Variants in NEK6 observed in about 807,000 individuals in gnomAD.
NEK6 encodes the protein NIMA related kinase 6.
A neutral mutation model predicts 43.5 loss-of-function variants in NEK6; 27 were observed. That is an observed-to-expected ratio of 0.62 (90% CI 0.46 to 0.86). NEK6 has a LOEUF of 0.86. Ranked by LOEUF, NEK6 falls within the 40% of genes least tolerant of loss-of-function variation. NEK6 has a pLI of 0.00. For missense variants in NEK6, 318 were observed against 414.4 expected, an observed-to-expected ratio of 0.77 and a Z score of 2.02; for synonymous variants, 167 against 164.1, an observed-to-expected ratio of 1.02 and a Z score of -0.14.
chr9:124,259,313 T>TAC (rs1457072780), intron 1 of NEK6: 1 of 152,160 alleles, frequency 6.6e-6, no homozygotes, highest in African/African-American at 2.4e-5. Context: ...TAGTTTGGTG[T>TAC]ACAGTACGTG....
intron 7 of NEK6, among the ~76,000 whole-genome samples, chr9:124,338,008 A>C (rs1829378615): frequency 6.6e-6 from 1 of 151,944 alleles, no homozygotes; most frequent in East Asian, 1.9e-4. Context: ...ACAGAGTCTC[A>C]CTCACTCTCT....
intron 1 of NEK6, among the ~76,000 whole-genome samples, chr9:124,290,850 A>G (rs1832384708): frequency 6.6e-6 from 1 of 152,324 alleles, no homozygotes; most frequent in African/African-American, 2.4e-5. Context: ...AGCAGCAGCC[A>G]TGGGTCCTTT....
At chr9:124,271,909 G>A (rs1035586378) in intron 1 of NEK6, among the ~76,000 whole-genome samples, 4 of 152,280 alleles carry the variant, frequency 2.6e-5, no homozygotes, top group African/African-American at 9.6e-5. Flanking sequence ...TGCCCAGAGA[G>A]ACAGGTGGCA....
At chr9:124,327,495 C>G (rs535507162) in intron 7 of NEK6, 50 bp downstream of exon 7, 36 of 1,439,814 alleles carry the variant, frequency 2.5e-5, no homozygotes, top group Non-Finnish European at 3.3e-5. Flanking sequence ...TCCTGGTGAC[C>G]ATGCAGGGAG....
Position 124,326,211 on chromosome 9 carries a change from C to CCCCCCCCCCCCCCCCCCCCCCCCT in NEK6, c.406-117_406-116insCCCCCCCCCCCCCCCCCCCCCTCC. 5.0e-6 allele frequency: 1 copy of CCCCCCCCCCCCCCCCCCCCCCCCT among 198,036 alleles called. No individual in the cohort carries two copies. Among genetic ancestry groups the CCCCCCCCCCCCCCCCCCCCCCCCT allele is most frequent in the Non-Finnish European group, 1.3e-5 (1 of 78,816 alleles). 12.3% of individuals were successfully genotyped at this position (198,036 alleles called of 1,614,324 possible). A position where few individuals can be genotyped will look rare whatever the true frequency, so the allele number is the denominator to read the frequency against. ...TTGCTCAGTGGCTCAATCCCCCCCC[C>CCCCCCCCCCCCCCCCCCCCCCCCT]CCGCCCCTGCCAGGCACCAGTTACC... On this transcript the variant is annotated intron_variant, in intron 5 of 9. Transcript: ENST00000320246. The surrounding 1 kb of genome is among the most constrained non-coding windows in gnomAD (Gnocchi z 4.5).
intron 1 of NEK6, among the ~76,000 whole-genome samples, chr9:124,287,447 A>G (rs534506630): frequency 6.6e-6 from 1 of 152,342 alleles, no homozygotes; most frequent in African/African-American, 2.4e-5. Context: ...TCAAAAATGA[A>G]CATCATTCCC....
At chr9:124,288,464 A>G (rs1037698656) in intron 1 of NEK6, among the ~76,000 whole-genome samples, 1 of 152,066 alleles carries the variant, frequency 6.6e-6, no homozygotes, top group Admixed American at 6.5e-5. Context: ...TTGTATTTTT[A>G]GTAAAAATGG....
intron 5 of NEK6, among the ~76,000 whole-genome samples, chr9:124,325,333 C>T (rs1834281623): frequency 6.6e-6 from 1 of 152,252 alleles, no homozygotes; most frequent in Non-Finnish European, 1.5e-5. Context: ...TGGCCACACC[C>T]TGCAGGTGGT....
intron 1 of NEK6, chr9:124,292,531 G>T (rs1018211165): frequency 6.5e-7 from 1 of 1,537,012 alleles, no homozygotes; most frequent in Non-Finnish European, 8.7e-7. Context: ...TGCTCGCCTG[G>T]GACCCAGGGT....
At chr9:124,264,494 T>C (rs1195010335) in intron 1 of NEK6, among the ~76,000 whole-genome samples, 1 of 152,070 alleles carries the variant, frequency 6.6e-6, no homozygotes, top group Non-Finnish European at 1.5e-5. Context: ...AGAGGTACCA[T>C]GTGACAAAAA....
intron 1 of NEK6, among the ~76,000 whole-genome samples, chr9:124,289,395 C>T (rs1259726744): frequency 6.6e-6 from 1 of 152,096 alleles, no homozygotes; most frequent in East Asian, 1.9e-4. Flanking sequence ...ACACTGTCTG[C>T]CTTCCAGGGT....
rs10986317 is a variant in NEK6 at position 124,329,098 on chromosome 9, C to A, written c.622+1653C>A. ...GAGGGCCGGGGGCCTCGGCAGATACCGTTGGAGTCCCCCTTTGGGGACCCG... is the reference window on the plus strand; with the variant it reads ...GAGGGCCGGGGGCCTCGGCAGATACAGTTGGAGTCCCCCTTTGGGGACCCG... On this transcript the variant is annotated intron_variant, in intron 7 of 9. Coordinates refer to ENST00000320246, the MANE Select transcript of NEK6 (RefSeq NM_014397.6). Among the ~76,000 whole-genome samples the A allele has an allele frequency of 8.5e-4, 130 of 152,340 alleles. No homozygotes were observed. In the East Asian group the frequency reaches 0.023, roughly 27 times the overall value.
chr9:124,302,203 C>A, intron 2 of NEK6, 149 bp downstream of exon 2: 1 of 603,240 alleles, frequency 1.7e-6, no homozygotes. Context: ...GGGGAGCTCG[C>A]TACCAAATCT....
At chr9:124,339,405 C>T (rs1829469694) in intron 7 of NEK6, among the ~76,000 whole-genome samples, 166 bp from the exon 8 acceptor site, 1 of 152,098 alleles carries the variant, frequency 6.6e-6, no homozygotes, top group East Asian at 1.9e-4. Context: ...GATCCAACTG[C>T]TCATCTGACA....
chr9:124,303,600 G>A (rs1223430063), intron 2 of NEK6, among the ~76,000 whole-genome samples: 2 of 152,108 alleles, frequency 1.3e-5, no homozygotes, highest in East Asian at 1.9e-4. Context: ...ATCTGGTGGG[G>A]GTGTGTGTAT....
At chr9:124,313,265 G>A (rs916834873) in intron 3 of NEK6, among the ~76,000 whole-genome samples, 1 of 152,170 alleles carries the variant, frequency 6.6e-6, no homozygotes, top group Non-Finnish European at 1.5e-5. Flanking sequence ...AGGAGGGCCG[G>A]GAGAGAGAAT....
intron 1 of NEK6, chr9:124,293,036 G>A: frequency 2.7e-6 from 4 of 1,484,476 alleles, no homozygotes; most frequent in Non-Finnish European, 3.6e-6. Context: ...TCATTTCCCA[G>A]GCAGGCAGGG....
intron 8 of NEK6, among the ~76,000 whole-genome samples, chr9:124,341,376 CGGGTG>C (rs1829614814): frequency 3.4e-5 from 4 of 116,148 alleles, no homozygotes; most frequent in Non-Finnish European, 3.9e-5. Flanking sequence ...TCAGCAGATG[CGGGTG>C]ACAAGAGGGT....
intron 4 of NEK6, among the ~76,000 whole-genome samples, chr9:124,317,628 A>G (rs895616865): frequency 1.3e-5 from 2 of 152,222 alleles, no homozygotes; most frequent in African/African-American, 4.8e-5. Flanking sequence ...CGTCACGCAG[A>G]TAGTGAACAT....
Sources: gnomAD v4.1 joint callset for allele counts (sites outside exome capture counted in the v4.1 genomes callset) on GRCh38, gnomAD v4.1.1 for gene constraint, Gnocchi (gnomAD v3.1) non-coding constraint, MANE v1.5 for transcripts, NCBI Gene and HGNC (gene_info 2026-07-23, HGNC 2026-07-21) for gene names.